Variants in DCN observed in about 807,000 individuals in gnomAD.
DCN encodes decorin, also known as bone proteoglycan II.
A neutral mutation model predicts 36.5 loss-of-function variants in DCN; 17 were observed. That is an observed-to-expected ratio of 0.47 (90% CI 0.32 to 0.70). DCN has a LOEUF of 0.70. DCN is among the 30% of genes least tolerant of loss of function. DCN has a pLI of 0.04. For synonymous variants in DCN, 163 were observed against 161.4 expected (o/e 1.01, Z -0.07); for missense variants, 389 against 430.1 (o/e 0.90, Z 0.84).
intron 3 of DCN, among the ~76,000 whole-genome samples, chr12:91,160,796 C>T (rs372320887): frequency 2.6e-5 from 4 of 152,034 alleles, no homozygotes; most frequent in Admixed American, 6.6e-5. Context: ...ACTTATTAAG[C>T]TTCAATTCAA....
intron 5 of DCN, among the ~76,000 whole-genome samples, chr12:91,154,446 T>G (rs1239793124): frequency 6.6e-6 from 1 of 152,132 alleles, no homozygotes; most frequent in Non-Finnish European, 1.5e-5. Context: ...AAAATGTATA[T>G]TTTTTAATGC....
chr12:91,168,692 G>A (rs1004118147), intron 2 of DCN, among the ~76,000 whole-genome samples: 1 of 152,172 alleles, frequency 6.6e-6, no homozygotes, highest in Non-Finnish European at 1.5e-5. Context: ...TTCCTCAGAA[G>A]TATTAGGATA....
In DCN at chr12:91,167,897, A is replaced by G. The variant is rs553616998; in HGVS notation, c.212-3180T>C. ...GCTCTGTCGCTCAGCCTGGAATGCA[A>G]TGGCATCATCTCAGCTCACTTTAAC... On this transcript the variant is annotated intron_variant, in intron 2 of 7. Transcript: ENST00000052754. 9.9e-5 allele frequency among the ~76,000 whole-genome samples: 15 copies of G among 152,202 alleles called. 1 individual carries two copies. In the South Asian group the frequency reaches 3.1e-3, roughly 32 times the overall value.
chr12:91,162,379 ATAACTAAATG>A (rs1882217880), intron 3 of DCN, among the ~76,000 whole-genome samples: 1 of 152,214 alleles, frequency 6.6e-6, no homozygotes, highest in Non-Finnish European at 1.5e-5. Context: ...TGTAAAGTTT[ATAACTAAATG>A]GTATCTTCAT....
At chr12:91,157,633 A>T (rs563592603) in intron 4 of DCN, among the ~76,000 whole-genome samples, 122 of 147,146 alleles carry the variant, frequency 8.3e-4, no homozygotes, top group African/African-American at 2.9e-3. Context: ...GTTTAGAGAA[A>T]TTTTTTTTTT....
intron 2 of DCN, chr12:91,175,942 C>T (rs1201855990): frequency 6.6e-6 from 1 of 152,038 alleles, no homozygotes; most frequent in African/African-American, 2.4e-5. Context: ...CTGCATGAAG[C>T]TGCTACTATG....
At position 91,145,153 on chromosome 12, in the gene DCN, T is replaced by C. The variant is rs1051946187; in HGVS notation, c.*905A>G. Reference sequence around the variant, plus strand: ...AATTGTCTGCATTGATAGTTGTTTATAAATTCTACAGAAAACATTTCTAAC... The same window carrying C: ...AATTGTCTGCATTGATAGTTGTTTACAAATTCTACAGAAAACATTTCTAAC... On this transcript the variant is annotated 3_prime_UTR_variant, in exon 8 of 8. Transcript: ENST00000052754. 1.3e-5 allele frequency: 2 copies of C among 152,220 alleles called. No individual in the cohort carries two copies. Among genetic ancestry groups the C allele is most frequent in the African/African-American group, 4.8e-5 (2 of 41,466 alleles). The allele number at this position is 152,220 out of a possible 1,614,324, so 9.4% of individuals were successfully genotyped here.
At chr12:91,167,590 T>C (rs1592698881) in intron 2 of DCN, among the ~76,000 whole-genome samples, 1 of 152,250 alleles carries the variant, frequency 6.6e-6, no homozygotes, top group East Asian at 1.9e-4. Flanking sequence ...TGATAGCAGA[T>C]GGCAGGCTCT....
intron 7 of DCN, among the ~76,000 whole-genome samples, chr12:91,146,914 C>T (rs1881064112): frequency 6.6e-6 from 1 of 152,216 alleles, no homozygotes; most frequent in Admixed American, 6.5e-5. Context: ...TCTACTCCGA[C>T]AACCTTGTCC....
At position 91,142,644 on chromosome 12, in the gene DCN, A is replaced by T. The variant is rs1183538678; in HGVS notation, c.*3414T>A. 6.6e-6 allele frequency: 1 copy of T among 152,204 alleles called. No individual in the cohort carries two copies. The highest frequency in any genetic ancestry group is 1.5e-5 in the Non-Finnish European group (1 of 68,032). The allele number at this position is 152,204 out of a possible 1,614,324, so 9.4% of individuals were successfully genotyped here. ...AGAAAAATGCTTTAAAAGATCATGA[A>T]TACTGTGTTCTGGAAAATCTGTGTC... On this transcript the variant is annotated 3_prime_UTR_variant, in exon 8 of 8. Coordinates refer to ENST00000052754, the MANE Select transcript of DCN (RefSeq NM_001920.5).
chr12:91,149,684 G>C (rs1881281000), intron 7 of DCN, among the ~76,000 whole-genome samples: 1 of 152,002 alleles, frequency 6.6e-6, no homozygotes, highest in African/African-American at 2.4e-5. Flanking sequence ...AATATATCCT[G>C]AATATAGAAT....
chr12:91,156,358 A>G lies in DCN; in HGVS notation c.652+717T>C, dbSNP rs75936547. Among the ~76,000 whole-genome samples the G allele has an allele frequency of 1.4e-3, 217 of 152,266 alleles. 4 individuals carry two copies. The East Asian group carries it at 0.032, about 23-fold the overall frequency. On this transcript the variant is annotated intron_variant, in intron 5 of 7. Coordinates refer to ENST00000052754, the MANE Select transcript of DCN (RefSeq NM_001920.5). ...AGAACATTTTTAATGCATAATAGAG[A>G]GTTATATTAATTCCCTACTTATCTA...
At chr12:91,167,849 T>C (rs1312535518) in intron 2 of DCN, among the ~76,000 whole-genome samples, 1 of 152,180 alleles carries the variant, frequency 6.6e-6, no homozygotes, top group East Asian at 1.9e-4. Flanking sequence ...TGTTTTTGTT[T>C]TTTTGTTTGA....
intron 2 of DCN, chr12:91,177,443 G>T (rs1883358294): frequency 4.8e-6 from 3 of 627,586 alleles, no homozygotes; most frequent in Admixed American, 5.6e-5. Flanking sequence ...GCGGAATCAT[G>T]ATATAAAGAT....
chr12:91,156,703 T>C (rs1261865900), intron 5 of DCN, among the ~76,000 whole-genome samples: 1 of 152,034 alleles, frequency 6.6e-6, no homozygotes, highest in Admixed American at 6.6e-5. Context: ...ATCTTTTTTT[T>C]TTTTTTTACA....
At chr12:91,153,493 C>T (rs1881569294) in intron 5 of DCN, among the ~76,000 whole-genome samples, 1 of 152,060 alleles carries the variant, frequency 6.6e-6, no homozygotes, top group Non-Finnish European at 1.5e-5. Flanking sequence ...TCATTATTCT[C>T]TTCCACCTTT....
intron 5 of DCN, among the ~76,000 whole-genome samples, chr12:91,156,801 C>G (rs1362694283): frequency 6.6e-6 from 1 of 150,498 alleles, no homozygotes; most frequent in African/African-American, 2.5e-5. Context: ...TAAGTTGTGT[C>G]TTAAACTAGA....
At chr12:91,181,679 T>C (rs1285127783) in intron 1 of DCN, among the ~76,000 whole-genome samples, 1 of 152,102 alleles carries the variant, frequency 6.6e-6, no homozygotes, top group African/African-American at 2.4e-5. Context: ...TTGCATTATG[T>C]TATCTATGCC....
rs1274810428 is a variant in DCN at position 91,144,134 on chromosome 12, A to AG, written c.*1923dup. 6.6e-6 allele frequency: 1 copy of AG among 152,152 alleles called. No individual in the cohort carries two copies. The highest frequency in any genetic ancestry group is 2.4e-5 in the African/African-American group (1 of 41,440). 9.4% of individuals were successfully genotyped at this position (152,152 alleles called of 1,614,324 possible). The stretch of plus-strand genomic sequence containing the variant: ...CCATAAGAGAAAGGCTGCAGCATAA[A>AG]GGGTATATCATTCAAGGCTATAACA... On this transcript the variant is annotated 3_prime_UTR_variant, in exon 8 of 8. Coordinates refer to ENST00000052754, the MANE Select transcript of DCN (RefSeq NM_001920.5).
Sources: allele counts gnomAD v4.1 joint callset (sites outside exome capture counted in the v4.1 genomes callset), GRCh38; gene constraint gnomAD v4.1.1; transcripts MANE v1.5; gene names NCBI Gene and HGNC (gene_info 2026-07-23, HGNC 2026-07-21).